Variants in DEFB110 observed in about 807,000 individuals in gnomAD.
The protein encoded by DEFB110 is beta-defensin 110.
Under a neutral mutation model 2.5 loss-of-function variants are expected in DEFB110, and 4 were observed. The observed-to-expected ratio is 1.60, with a 90% CI of 0.79 to 3.66. The LOEUF is 3.66. DEFB110 is among the 30% of genes most tolerant of loss of function. The probability of loss-of-function intolerance (pLI) is 0.01; values close to 1 mark genes in which losing one functional copy is unlikely to be tolerated. For synonymous variants in DEFB110, 29 were observed against 21.8 expected (o/e 1.33, Z -0.92); for missense variants, 94 against 75.4 (o/e 1.25, Z -0.91).
chr6:50,013,975 T>C (rs1774273502), downstream of DEFB110, among the ~76,000 whole-genome samples: 1 of 151,806 alleles, frequency 6.6e-6, no homozygotes, highest in Non-Finnish European at 1.5e-5. Flanking sequence ...TAGTAATAAA[T>C]ACTGTTTTGT....
chr6:50,020,750 A>T (rs772086960), intron 1 of DEFB110, among the ~76,000 whole-genome samples: 5 of 152,208 alleles, frequency 3.3e-5, no homozygotes, highest in Non-Finnish European at 7.3e-5. Flanking sequence ...AGCAATTCAG[A>T]GTATGAAGCA....
intron 1 of DEFB110, among the ~76,000 whole-genome samples, chr6:50,021,570 G>T (rs567958365): frequency 6.6e-6 from 1 of 152,220 alleles, no homozygotes; most frequent in Non-Finnish European, 1.5e-5. Flanking sequence ...TTGCAAAGTT[G>T]GTGGAAGCCA....
At chr6:50,016,380 T>C (rs535124148), downstream of DEFB110, among the ~76,000 whole-genome samples, 5 of 151,904 alleles carry the variant, frequency 3.3e-5, no homozygotes, top group African/African-American at 1.2e-4. Flanking sequence ...CGAAAATACA[T>C]AGTGTCATGA....
downstream of DEFB110, among the ~76,000 whole-genome samples, chr6:50,017,977 GAT>G (rs1774346241): frequency 1.3e-5 from 2 of 151,840 alleles, 1 homozygote; most frequent in Non-Finnish European, 2.9e-5. Flanking sequence ...ATGAAGAGAG[GAT>G]TCTATTTTAT....
rs2113942219 is a variant in DEFB110 at position 50,019,059 on chromosome 6, T to C, written c.122A>G (p.Gln41Arg). ...LRRECRIGNG[Q>R]CKNQCHENEI... The stretch of plus-strand genomic sequence containing the variant: ...ATTTTCATGACACTGATTTTTACAT[T>C]GACCATTACCTATTCTGCACTCTCT... The change falls in exon 2 of 2, where the codon CAA becomes CGA. Residue 41 changes from glutamine to arginine, a missense_variant. Physicochemically the swap from Gln to Arg is conservative, Grantham distance 43. Transcript: ENST00000371148. 6.2e-7 allele frequency: 1 copy of C among 1,613,284 alleles called. No homozygotes were observed. The highest frequency in any genetic ancestry group is 1.1e-5 in the South Asian group (1 of 91,050).
intron 1 of DEFB110, among the ~76,000 whole-genome samples, chr6:50,009,736 T>C (rs189031527): frequency 7.9e-4 from 120 of 152,220 alleles, no homozygotes; most frequent in African/African-American, 2.6e-3. Context: ...ACTTCTAATG[T>C]ACTAACTTCA....
chr6:50,010,598 C>T (rs1561989855), intron 1 of DEFB110, among the ~76,000 whole-genome samples: 1 of 149,900 alleles, frequency 6.7e-6, no homozygotes, highest in Non-Finnish European at 1.5e-5. Context: ...ATATATTTGA[C>T]ATGTAAATTA....
downstream of DEFB110, among the ~76,000 whole-genome samples, chr6:50,018,519 A>T (rs939244978): frequency 2.0e-5 from 3 of 151,906 alleles, no homozygotes; most frequent in African/African-American, 7.2e-5. Flanking sequence ...TGCCCTCTCA[A>T]TGTCCAGTCT....
At chr6:50,010,564 G>A (rs1774210505) in intron 1 of DEFB110, among the ~76,000 whole-genome samples, 1 of 150,072 alleles carries the variant, frequency 6.7e-6, no homozygotes, top group African/African-American at 2.4e-5. Flanking sequence ...CATATATATA[G>A]ACATATATAT....
exon 2 of DEFB110, chr6:50,009,170 A>C (rs200540348): frequency 6.2e-7 from 1 of 1,610,986 alleles, no homozygotes; most frequent in African/African-American, 1.3e-5. Context: ...CATTTAATGC[A>C]GTATCCATAA....
downstream of DEFB110, among the ~76,000 whole-genome samples, chr6:50,015,285 A>G (rs531502783): frequency 1.2e-4 from 18 of 151,914 alleles, 1 homozygote; most frequent in South Asian, 3.5e-3. Flanking sequence ...ATATTATTTT[A>G]ATAACTTCGA....
At chr6:50,014,396 TGA>T (rs1028162874), downstream of DEFB110, among the ~76,000 whole-genome samples, 2 of 151,662 alleles carry the variant, frequency 1.3e-5, no homozygotes, top group African/African-American at 4.8e-5. Flanking sequence ...GAAAGTGGCT[TGA>T]AGAAAAATTA....
intron 1 of DEFB110, chr6:50,009,276 A>G: frequency 1.9e-6 from 3 of 1,588,452 alleles, no homozygotes; most frequent in South Asian, 1.2e-5. Context: ...TTCTGGCTGC[A>G]ATCAAGAAAA....
chr6:50,020,203 C>A (rs181776852), intron 1 of DEFB110, among the ~76,000 whole-genome samples: 4 of 151,806 alleles, frequency 2.6e-5, no homozygotes, highest in African/African-American at 9.7e-5. Flanking sequence ...ATAGTCAAAG[C>A]TGTAAGAAAA....
downstream of DEFB110, among the ~76,000 whole-genome samples, chr6:50,014,792 C>A (rs1235683581): frequency 6.6e-6 from 1 of 151,724 alleles, no homozygotes; most frequent in African/African-American, 2.4e-5. Context: ...ACCAAATTAA[C>A]CTGCCAATCA....
chr6:50,016,934 G>A (rs1244524252), downstream of DEFB110, among the ~76,000 whole-genome samples: 6 of 151,506 alleles, frequency 4.0e-5, no homozygotes, highest in Admixed American at 4.0e-4. Context: ...GCACAGCCTA[G>A]ATTTTGTGCA....
chr6:50,012,520 T>G (rs538733018), intron 1 of DEFB110, among the ~76,000 whole-genome samples: 2 of 152,100 alleles, frequency 1.3e-5, no homozygotes, highest in Admixed American at 1.3e-4. Flanking sequence ...GGCCCTATAT[T>G]TGCAGTTTCC....
intron 1 of DEFB110, among the ~76,000 whole-genome samples, chr6:50,010,788 A>G (rs147924985): frequency 3.3e-5 from 5 of 151,836 alleles, no homozygotes; most frequent in East Asian, 1.9e-4. Context: ...AACTGTTGCT[A>G]GAATAGAAAC....
At chr6:50,014,641 C>T (rs1774285284), downstream of DEFB110, among the ~76,000 whole-genome samples, 1 of 151,774 alleles carries the variant, frequency 6.6e-6, no homozygotes, top group Admixed American at 6.6e-5. Flanking sequence ...CAACTTACTC[C>T]TTGAAAACAC....
Sources: allele counts gnomAD v4.1 joint callset (sites outside exome capture counted in the v4.1 genomes callset), GRCh38; gene constraint gnomAD v4.1.1; transcripts MANE v1.5; gene names NCBI Gene and HGNC (gene_info 2026-07-23, HGNC 2026-07-21).